DIAPH3: variants seen among roughly 807,000 people sequenced by gnomAD.
DIAPH3 encodes the protein diaphanous related formin 3, also known as protein diaphanous homolog 3.
A neutral mutation model predicts 144.3 loss-of-function variants in DIAPH3; 117 were observed. That is an observed-to-expected ratio of 0.81 (90% CI 0.70 to 0.95). The LOEUF (loss-of-function observed/expected upper bound fraction) is 0.95, where lower values mean the gene tolerates loss of function less well. Among genes scored for constraint, DIAPH3 ranks in the 40% least tolerant of loss-of-function variants. The probability of loss-of-function intolerance (pLI) is 0.00; values close to 1 mark genes in which losing one functional copy is unlikely to be tolerated. For synonymous variants in DIAPH3, 519 were observed against 488.9 expected (o/e 1.06, Z -0.81); for missense variants, 1,421 against 1,412.7 (o/e 1.01, Z -0.09).
intron 27 of DIAPH3, among the ~76,000 whole-genome samples, chr13:59,711,477 C>T (rs1470217125): frequency 6.6e-6 from 1 of 152,106 alleles, no homozygotes; most frequent in Non-Finnish European, 1.5e-5. Flanking sequence ...GCTCTTGCTA[C>T]CATCACCATT....
At chr13:59,684,175 TA>T (rs1179195940) in intron 27 of DIAPH3, among the ~76,000 whole-genome samples, 2 of 152,156 alleles carry the variant, frequency 1.3e-5, no homozygotes, top group Non-Finnish European at 2.9e-5. Flanking sequence ...TCAGGCAAAT[TA>T]AAAACCCTTT....
chr13:60,098,522 T>C (rs1594660150), intron 3 of DIAPH3, among the ~76,000 whole-genome samples: 1 of 152,136 alleles, frequency 6.6e-6, no homozygotes, highest in East Asian at 1.9e-4. Context: ...GTACCTACTA[T>C]ACCATCTGAA....
At chr13:59,766,012 A>G (rs1593793470) in intron 27 of DIAPH3, among the ~76,000 whole-genome samples, 1 of 152,180 alleles carries the variant, frequency 6.6e-6, no homozygotes, top group Admixed American at 6.5e-5. Context: ...TGAACCACAC[A>G]TTGTTATGTT....
chr13:59,975,308 C>T (rs1466544651), intron 14 of DIAPH3, among the ~76,000 whole-genome samples: 3 of 151,930 alleles, frequency 2.0e-5, no homozygotes, highest in Non-Finnish European at 4.4e-5. Context: ...CAATGTAGAA[C>T]TCCACCGTTT....
intron 27 of DIAPH3, among the ~76,000 whole-genome samples, chr13:59,771,058 A>T (rs1050597066): frequency 6.6e-6 from 1 of 152,122 alleles, no homozygotes; most frequent in African/African-American, 2.4e-5. Context: ...CTGAAGTTAG[A>T]ATGCTTGAGG....
chr13:60,029,748 T>C (rs1428574914), intron 5 of DIAPH3, among the ~76,000 whole-genome samples: 1 of 152,208 alleles, frequency 6.6e-6, no homozygotes, highest in African/African-American at 2.4e-5. Context: ...GGCAGTTCTT[T>C]ATAGCAGCCT....
At chr13:60,118,106 A>C (rs914510988) in intron 2 of DIAPH3, among the ~76,000 whole-genome samples, 3 of 152,176 alleles carry the variant, frequency 2.0e-5, no homozygotes, top group Non-Finnish European at 4.4e-5. Context: ...TAAGTTTTAT[A>C]AATTAATATC....
chr13:60,052,322 C>G (rs553159445), intron 4 of DIAPH3, among the ~76,000 whole-genome samples: 167 of 152,142 alleles, frequency 1.1e-3, no homozygotes, highest in Non-Finnish European at 2.1e-3. Flanking sequence ...GTCTGTAAAT[C>G]ATATTTAGAA....
chr13:59,775,344 G>A (rs2038351900), intron 25 of DIAPH3, among the ~76,000 whole-genome samples: 1 of 152,014 alleles, frequency 6.6e-6, no homozygotes, highest in Non-Finnish European at 1.5e-5. Flanking sequence ...CCAGGTTTAC[G>A]CCATCCTCCT....
At chr13:59,966,326 C>T (rs1189760765) in intron 17 of DIAPH3, among the ~76,000 whole-genome samples, 3 of 152,022 alleles carry the variant, frequency 2.0e-5, no homozygotes, top group East Asian at 3.9e-4. Flanking sequence ...AAGAGCCAAG[C>T]CCTTACCAAG....
At chr13:59,862,021 A>C (rs1056822088) in intron 21 of DIAPH3, among the ~76,000 whole-genome samples, 22 of 152,200 alleles carry the variant, frequency 1.4e-4, no homozygotes, top group Admixed American at 1.4e-3. Context: ...AAATAATCAC[A>C]ACTTTCATTT....
chr13:59,746,181 CA>C (rs1159079792), intron 27 of DIAPH3, among the ~76,000 whole-genome samples: 3 of 152,030 alleles, frequency 2.0e-5, no homozygotes, highest in Non-Finnish European at 4.4e-5. Context: ...AACAAAACAT[CA>C]AACAAGTACC....
rs147494039 is a variant in DIAPH3 at position 60,132,356 on chromosome 13, A to G, written c.213+601T>C. 2.3e-3 allele frequency among the ~76,000 whole-genome samples: 347 copies of G among 152,166 alleles called. 3 individuals are homozygous for G. The highest frequency in any genetic ancestry group is 8.0e-3 in the African/African-American group (334 of 41,532). Reference sequence around the variant, plus strand: ...AACACACTTACATATTTTTGGTGTCATTGTTTGTGTTTTGTTGTTGTTCTT... The same window carrying G: ...AACACACTTACATATTTTTGGTGTCGTTGTTTGTGTTTTGTTGTTGTTCTT... On this transcript the variant is annotated intron_variant, in intron 2 of 27. Coordinates refer to ENST00000400324, the MANE Select transcript of DIAPH3 (RefSeq NM_001042517.2).
At chr13:59,870,774 G>A (rs948015303) in intron 21 of DIAPH3, among the ~76,000 whole-genome samples, 19 of 151,518 alleles carry the variant, frequency 1.3e-4, no homozygotes, top group African/African-American at 3.1e-4. Context: ...AGGTTCAAGC[G>A]ACTCTCCTGT....
At chr13:59,862,529 G>A (rs1432242997) in intron 21 of DIAPH3, among the ~76,000 whole-genome samples, 1 of 152,138 alleles carries the variant, frequency 6.6e-6, no homozygotes, top group Non-Finnish European at 1.5e-5. Flanking sequence ...GAGACCATGT[G>A]GGTGTGGAAA....
At chr13:59,742,811 G>A (rs908190506) in intron 27 of DIAPH3, among the ~76,000 whole-genome samples, 2 of 152,170 alleles carry the variant, frequency 1.3e-5, no homozygotes, top group Non-Finnish European at 2.9e-5. Flanking sequence ...TGATATTTAA[G>A]TAGCTTTGAC....
At chr13:60,078,726 A>T (rs1365899138) in intron 4 of DIAPH3, among the ~76,000 whole-genome samples, 1 of 151,928 alleles carries the variant, frequency 6.6e-6, no homozygotes, top group Non-Finnish European at 1.5e-5. Context: ...ATTCATATAT[A>T]TTTGAAATAA....
intron 4 of DIAPH3, among the ~76,000 whole-genome samples, chr13:60,072,257 T>C (rs1166071900): frequency 6.6e-6 from 1 of 152,202 alleles, no homozygotes; most frequent in Non-Finnish European, 1.5e-5. Context: ...CTTCTCTACC[T>C]CTCTCCACTG....
intron 12 of DIAPH3, among the ~76,000 whole-genome samples, chr13:59,985,479 C>G (rs370527836): frequency 1.6e-5 from 1 of 64,374 alleles, no homozygotes; most frequent in Non-Finnish European, 3.2e-5. Context: ...CCAGGGCAAT[C>G]AGGCAGGAGA....
Sources: allele counts gnomAD v4.1 joint callset (sites outside exome capture counted in the v4.1 genomes callset), GRCh38; gene constraint gnomAD v4.1.1; transcripts MANE v1.5; gene names NCBI Gene and HGNC (gene_info 2026-07-23, HGNC 2026-07-21).